Variants in POFUT3 observed in about 807,000 individuals in gnomAD.
The protein encoded by POFUT3 is protein O-fucosyltransferase 3.
At chr8:33,392,426 A>C in the POFUT3 span, among the ~76,000 whole-genome samples, 6 of 151,352 alleles carry the variant, frequency 4.0e-5, no homozygotes, top group African/African-American at 1.5e-4. Flanking sequence ...AAATACAAAA[A>C]TTAGCCAGGC....
chr8:33,410,644 C>T, the POFUT3 span, among the ~76,000 whole-genome samples: 5 of 152,176 alleles, frequency 3.3e-5, no homozygotes, highest in South Asian at 8.3e-4. Flanking sequence ...TATGTCACCA[C>T]GTGCCAAATG....
chr8:33,449,617 ACTC>A, the POFUT3 span, among the ~76,000 whole-genome samples: 1 of 151,826 alleles, frequency 6.6e-6, no homozygotes, highest in South Asian at 2.1e-4. Context: ...GGTGGTTTTA[ACTC>A]CAGGGACTGA....
the POFUT3 span, among the ~76,000 whole-genome samples, chr8:33,408,544 A>G: frequency 1.3e-5 from 2 of 152,146 alleles, no homozygotes; most frequent in Non-Finnish European, 2.9e-5. Context: ...TTGCCTCAGC[A>G]TGGGCACAAG....
chr8:33,455,045 A>G, the POFUT3 span, among the ~76,000 whole-genome samples: 2 of 152,222 alleles, frequency 1.3e-5, no homozygotes, highest in Non-Finnish European at 2.9e-5. Context: ...AAAATGAGTT[A>G]TAAATTATCA....
the POFUT3 span, among the ~76,000 whole-genome samples, chr8:33,425,331 C>A: frequency 6.6e-6 from 1 of 151,916 alleles, no homozygotes; most frequent in Non-Finnish European, 1.5e-5. Flanking sequence ...AAAACCCTTT[C>A]TCTTAAAAAA....
the POFUT3 span, among the ~76,000 whole-genome samples, chr8:33,355,728 A>T: frequency 6.6e-6 from 1 of 151,814 alleles, no homozygotes; most frequent in Non-Finnish European, 1.5e-5. Flanking sequence ...TGTGCAGGTT[A>T]GTTACATATG....
At chr8:33,343,796 G>A in the POFUT3 span, among the ~76,000 whole-genome samples, 1 of 152,222 alleles carries the variant, frequency 6.6e-6, no homozygotes, top group African/African-American at 2.4e-5. Flanking sequence ...AATATTTGGA[G>A]CAGAAACTCA....
chr8:33,338,540 T>C, the POFUT3 span, among the ~76,000 whole-genome samples: 1 of 152,172 alleles, frequency 6.6e-6, no homozygotes, highest in Non-Finnish European at 1.5e-5. Context: ...TCCACTTCTA[T>C]AGGCAAAAAT....
chr8:33,360,588 T>G, the POFUT3 span, among the ~76,000 whole-genome samples: 3 of 152,216 alleles, frequency 2.0e-5, no homozygotes, highest in South Asian at 4.2e-4. Flanking sequence ...CCCCTATAGC[T>G]CAAGTGACCA....
At chr8:33,397,793 T>TC in the POFUT3 span, among the ~76,000 whole-genome samples, 1 of 152,176 alleles carries the variant, frequency 6.6e-6, no homozygotes, top group Non-Finnish European at 1.5e-5. Context: ...CTCACTATGT[T>TC]CCCCAGGGTG....
At chr8:33,320,760 T>G in the POFUT3 span, among the ~76,000 whole-genome samples, 2 of 152,132 alleles carry the variant, frequency 1.3e-5, no homozygotes, top group Non-Finnish European at 2.9e-5. Context: ...CTTGGGCTTC[T>G]CATAGCTAGA....
the POFUT3 span, among the ~76,000 whole-genome samples, chr8:33,418,778 C>T: frequency 1.3e-5 from 2 of 152,162 alleles, no homozygotes; most frequent in African/African-American, 4.8e-5. Context: ...CCTGCACCCC[C>T]GTCTTTACTG....
chr8:33,379,995 A>AC, the POFUT3 span, among the ~76,000 whole-genome samples: 13 of 88,066 alleles, frequency 1.5e-4, 1 homozygote, highest in African/African-American at 5.6e-4. Context: ...TATATAGTAT[A>AC]TATATATACT....
At chr8:33,399,919 G>C in the POFUT3 span, among the ~76,000 whole-genome samples, 1 of 151,936 alleles carries the variant, frequency 6.6e-6, no homozygotes, top group Non-Finnish European at 1.5e-5. Context: ...CTCCCAAAGT[G>C]CTGGGATTAC....
the POFUT3 span, among the ~76,000 whole-genome samples, chr8:33,348,244 C>T: frequency 2.3e-4 from 34 of 149,750 alleles, 1 homozygote; most frequent in South Asian, 5.7e-3. Flanking sequence ...TAGTCCAGAA[C>T]ATTGGAGACA....
At chr8:33,426,013 C>T in the POFUT3 span, among the ~76,000 whole-genome samples, 1 of 152,090 alleles carries the variant, frequency 6.6e-6, no homozygotes, top group Non-Finnish European at 1.5e-5. Flanking sequence ...AAGCAATTCT[C>T]CTGCCTCAGC....
At chr8:33,468,303 C>T in the POFUT3 span, among the ~76,000 whole-genome samples, 4 of 151,944 alleles carry the variant, frequency 2.6e-5, no homozygotes, top group African/African-American at 9.7e-5. Flanking sequence ...CCCTCCTCCT[C>T]CTCCCTCTCC....
At chr8:33,394,983 C>T in the POFUT3 span, among the ~76,000 whole-genome samples, 199 of 152,310 alleles carry the variant, frequency 1.3e-3, no homozygotes, top group African/African-American at 4.6e-3. Flanking sequence ...TGCTCAGCTC[C>T]ATGTCCAACC....
the POFUT3 span, among the ~76,000 whole-genome samples, chr8:33,437,024 C>T: frequency 2.0e-5 from 3 of 152,154 alleles, no homozygotes; most frequent in African/African-American, 7.2e-5. Context: ...TCTGCTCCTG[C>T]ATTAATTCTA....
Sources: allele counts gnomAD v4.1 joint callset (sites outside exome capture counted in the v4.1 genomes callset), GRCh38; gene constraint gnomAD v4.1.1; transcripts MANE v1.5; gene names NCBI Gene and HGNC (gene_info 2026-07-23, HGNC 2026-07-21).